ELMO1: variants seen among roughly 807,000 people sequenced by gnomAD.
ELMO1 encodes engulfment and cell motility protein 1.
Under a neutral mutation model 98.9 loss-of-function variants are expected in ELMO1, and 26 were observed. The ratio of observed to expected loss-of-function variants is 0.26; its 90% confidence interval spans 0.19 to 0.36. ELMO1 has a LOEUF of 0.36. Among genes scored for constraint, ELMO1 ranks in the 10% least tolerant of loss-of-function variants. The probability of loss-of-function intolerance (pLI) is 1.00; values close to 1 mark genes in which losing one functional copy is unlikely to be tolerated. For synonymous variants in ELMO1, 346 were observed against 346.0 expected, an observed-to-expected ratio of 1.00 and a Z score of 0.00; for missense variants, 627 against 935.2, an observed-to-expected ratio of 0.67 and a Z score of 4.30.
chr7:36,970,085 T>C (rs1014506184), intron 16 of ELMO1, among the ~76,000 whole-genome samples: 1 of 152,030 alleles, frequency 6.6e-6, no homozygotes, highest in Non-Finnish European at 1.5e-5. Context: ...TTCTCCATCA[T>C]TATCCACTCT....
intron 16 of ELMO1, among the ~76,000 whole-genome samples, chr7:37,006,669 G>A (rs1793146750): frequency 6.6e-6 from 1 of 152,144 alleles, no homozygotes; most frequent in Non-Finnish European, 1.5e-5. Flanking sequence ...CAATATATCT[G>A]TAATTACAAT....
intron 13 of ELMO1, among the ~76,000 whole-genome samples, chr7:37,198,991 A>G (rs978336924): frequency 1.3e-5 from 2 of 152,242 alleles, no homozygotes; most frequent in African/African-American, 4.8e-5. Context: ...TCTTTATTGA[A>G]GTGCCATCAG....
chr7:37,446,052 G>GCT (rs1805599212), intron 1 of ELMO1, among the ~76,000 whole-genome samples: 1 of 152,188 alleles, frequency 6.6e-6, no homozygotes, highest in Non-Finnish European at 1.5e-5. Context: ...GAGTCTAAAA[G>GCT]AAGAGTGGCC....
chr7:37,046,104 A>T (rs942134183), intron 15 of ELMO1, among the ~76,000 whole-genome samples: 6 of 152,202 alleles, frequency 3.9e-5, no homozygotes, highest in African/African-American at 7.2e-5. Context: ...ACCTACACAC[A>T]ATCTTCCTGC....
At chr7:37,372,187 C>G (rs764674169) in intron 1 of ELMO1, among the ~76,000 whole-genome samples, 1 of 151,664 alleles carries the variant, frequency 6.6e-6, no homozygotes, top group Non-Finnish European at 1.5e-5. Context: ...AGAATCTAGT[C>G]TTGCCCCCAC....
At chr7:37,010,470 G>A (rs766381500) in intron 16 of ELMO1, among the ~76,000 whole-genome samples, 1 of 152,186 alleles carries the variant, frequency 6.6e-6, no homozygotes, top group Non-Finnish European at 1.5e-5. Flanking sequence ...TAATCACAAG[G>A]TCCTTAAAGG....
At chr7:37,262,936 C>T (rs1034027741) in intron 5 of ELMO1, among the ~76,000 whole-genome samples, 3 of 152,180 alleles carry the variant, frequency 2.0e-5, no homozygotes, top group Non-Finnish European at 4.4e-5. Flanking sequence ...TGACAGAGTG[C>T]ATCTCAGCTG....
chr7:37,189,175 G>C (rs1175379633), intron 13 of ELMO1, among the ~76,000 whole-genome samples: 1 of 152,176 alleles, frequency 6.6e-6, no homozygotes, highest in Non-Finnish European at 1.5e-5. Context: ...CATGATGTTT[G>C]AATGTTTATG....
chr7:37,018,678 T>C (rs1400617375), intron 15 of ELMO1, among the ~76,000 whole-genome samples: 2 of 152,234 alleles, frequency 1.3e-5, no homozygotes, highest in South Asian at 2.1e-4. Context: ...GGTTTTGCCA[T>C]GTTGGCCAGG....
chr7:37,381,832 T>A (rs1374376920), intron 1 of ELMO1, among the ~76,000 whole-genome samples: 1 of 152,198 alleles, frequency 6.6e-6, no homozygotes, highest in African/African-American at 2.4e-5. Context: ...TAAAATTTCA[T>A]TTCCTCTTCT....
intron 2 of ELMO1, among the ~76,000 whole-genome samples, chr7:37,337,432 C>T (rs898230325): frequency 4.6e-5 from 7 of 150,836 alleles, no homozygotes; most frequent in South Asian, 2.1e-4. Flanking sequence ...TGTTAAATGA[C>T]GAGTTAATGG....
intron 2 of ELMO1, among the ~76,000 whole-genome samples, chr7:37,319,356 G>A (rs1799362632): frequency 6.6e-6 from 1 of 152,124 alleles, no homozygotes; most frequent in Admixed American, 6.5e-5. Flanking sequence ...TCAGATATAA[G>A]GTGCTAACAG....
chr7:37,104,377 G>A (rs1158963346), intron 14 of ELMO1, among the ~76,000 whole-genome samples: 1 of 151,956 alleles, frequency 6.6e-6, no homozygotes, highest in Non-Finnish European at 1.5e-5. Context: ...CATACTGAAC[G>A]CAGGCTGCTG....
intron 13 of ELMO1, among the ~76,000 whole-genome samples, chr7:37,192,510 A>AC (rs1791658015): frequency 6.7e-6 from 1 of 149,908 alleles, no homozygotes; most frequent in Non-Finnish European, 1.5e-5. Context: ...AAAAAAAAAA[A>AC]AAAACTGGGC....
chr7:37,171,876 A>T (rs1193363408), intron 13 of ELMO1, among the ~76,000 whole-genome samples: 4 of 152,198 alleles, frequency 2.6e-5, no homozygotes, highest in Non-Finnish European at 4.4e-5. Flanking sequence ...ATCAACTTCT[A>T]AACACCATCA....
chr7:37,339,039 A>T (rs1239068233), intron 2 of ELMO1, among the ~76,000 whole-genome samples: 1 of 152,210 alleles, frequency 6.6e-6, no homozygotes, highest in Non-Finnish European at 1.5e-5. Context: ...ACTACTCAGG[A>T]AGCACCGCCT....
chr7:37,392,723 T>G (rs1409697495), intron 1 of ELMO1, among the ~76,000 whole-genome samples: 4 of 152,150 alleles, frequency 2.6e-5, no homozygotes, highest in Non-Finnish European at 5.9e-5. Flanking sequence ...TACCAAATGC[T>G]CTCCTGATTA....
Position 37,285,523 on chromosome 7 carries a change from T to C in ELMO1, c.193-13641A>G, listed in dbSNP as rs539346901. Among the ~76,000 whole-genome samples, 66 of 152,302 alleles carry C rather than the reference T, an allele frequency of 4.3e-4. 1 individual carries two copies. In the South Asian group the frequency reaches 0.013, roughly 30 times the overall value. ...TGCTATGAAAGAATGTTCAGTAATATGGGACCCTGGGACACTGTATTGTGG... is the reference window on the plus strand; with the variant it reads ...TGCTATGAAAGAATGTTCAGTAATACGGGACCCTGGGACACTGTATTGTGG... On this transcript the variant is annotated intron_variant, in intron 4 of 21. Transcript: ENST00000310758.
At chr7:37,310,822 A>G (rs1798852341) in intron 4 of ELMO1, among the ~76,000 whole-genome samples, 1 of 152,136 alleles carries the variant, frequency 6.6e-6, no homozygotes, top group South Asian at 2.1e-4. Flanking sequence ...TACAACCCCC[A>G]CAAGTTGTTG....
Sources: allele counts gnomAD v4.1 joint callset (sites outside exome capture counted in the v4.1 genomes callset), GRCh38; gene constraint gnomAD v4.1.1; transcripts MANE v1.5; gene names NCBI Gene and HGNC (gene_info 2026-07-23, HGNC 2026-07-21).